DNM3: variants seen among roughly 807,000 people sequenced by gnomAD.
DNM3 encodes the protein dynamin 3.
DNM3 carries 47 observed loss-of-function variants against 101.6 expected under a neutral mutation model. The observed-to-expected ratio is 0.46, with a 90% CI of 0.37 to 0.59. The LOEUF is 0.59. Ranked by LOEUF, DNM3 falls within the 20% of genes least tolerant of loss-of-function variation. DNM3 has a pLI of 0.00. For missense variants in DNM3, 849 were observed against 1,085.7 expected (o/e 0.78, Z 3.06); for synonymous variants, 385 against 387.9 (o/e 0.99, Z 0.09).
At chr1:172,008,952 AT>A (rs2046905986) in intron 4 of DNM3, among the ~76,000 whole-genome samples, 1 of 138,188 alleles carries the variant, frequency 7.2e-6, no homozygotes, top group East Asian at 2.0e-4. Flanking sequence ...AATATATTAT[AT>A]TAATATATTT....
chr1:172,068,796 C>T (rs546494995), intron 10 of DNM3, 23 bp from the exon 11 acceptor site: 1 of 1,549,798 alleles, frequency 6.5e-7, no homozygotes, highest in East Asian at 2.4e-5. Context: ...AGTATTAATA[C>T]TCAGATCTGC....
chr1:172,215,590 A>T (rs2060664137), intron 14 of DNM3, among the ~76,000 whole-genome samples: 1 of 152,114 alleles, frequency 6.6e-6, no homozygotes, highest in Admixed American at 6.6e-5. Context: ...ATTGGAAGAT[A>T]AAAGCTTTGG....
At chr1:172,181,182 T>C (rs1320034261) in intron 14 of DNM3, among the ~76,000 whole-genome samples, 1 of 152,048 alleles carries the variant, frequency 6.6e-6, no homozygotes, top group African/African-American at 2.4e-5. Flanking sequence ...TTCTCCACCA[T>C]CTCTAAGATA....
At chr1:172,048,202 C>T (rs1358346848) in intron 9 of DNM3, among the ~76,000 whole-genome samples, 4 of 152,136 alleles carry the variant, frequency 2.6e-5, no homozygotes, top group African/African-American at 9.7e-5. Flanking sequence ...ACCCCAGGCC[C>T]TCAGATTGGG....
At chr1:172,047,018 A>AAATT (rs58917366) in intron 9 of DNM3, among the ~76,000 whole-genome samples, 56,943 of 151,798 alleles carry the variant, frequency 0.38, 11,226 homozygotes, top group East Asian at 0.69. Context: ...TGGTTATTAT[A>AAATT]TGCCTGTAAG....
chr1:171,866,673 TC>T (rs1029963304), intron 1 of DNM3, among the ~76,000 whole-genome samples: 18 of 152,208 alleles, frequency 1.2e-4, no homozygotes, highest in African/African-American at 2.4e-4. Context: ...TTTCTTTTTT[TC>T]ATATGCTTTT....
rs58783160 is a variant in DNM3, at chr1:172,219,377, CAAA to C, written c.1660-34173_1660-34171del. On this transcript the variant is annotated intron_variant, in intron 14 of 20. Coordinates refer to ENST00000627582, the MANE Select transcript of DNM3 (RefSeq NM_015569.5). Reference sequence around the variant, plus strand: ...TGGGTGACAGAGGAATACCCTGTCTCAAAAAAAAAAAAAAAAAAAAAAAAAGAA... The same window carrying C: ...TGGGTGACAGAGGAATACCCTGTCTCAAAAAAAAAAAAAAAAAAAAAAGAA... Among the ~76,000 whole-genome samples the C allele has an allele frequency of 6.1e-3, 344 of 56,282 alleles. 2 individuals are homozygous for C. The highest frequency in any genetic ancestry group is 0.024 in the African/African-American group (319 of 13,222). The allele number at this position is 56,282 out of a possible 152,430, so 36.9% of individuals were successfully genotyped here.
Position 172,409,907 on chromosome 1 carries a change from T to C in DNM3, c.*2066T>C. The C allele has an allele frequency of 1.0e-6, 1 of 985,798 alleles. No homozygotes were observed. The highest frequency in any genetic ancestry group is 1.2e-6 in the Non-Finnish European group (1 of 829,894). The allele number at this position is 985,798 out of a possible 1,614,324, so 61.1% of individuals were successfully genotyped here. A position where few individuals can be genotyped will look rare whatever the true frequency, so the allele number is the denominator to read the frequency against. On this transcript the variant is annotated 3_prime_UTR_variant, in exon 21 of 21. Transcript: ENST00000627582. ...AAAATATTGTGAATAACCACTGGTG[T>C]GTTCTTAGATCAGCACAAACCATGT...
At chr1:171,901,453 T>G (rs968523409) in intron 1 of DNM3, among the ~76,000 whole-genome samples, 1 of 150,304 alleles carries the variant, frequency 6.7e-6, no homozygotes, top group Non-Finnish European at 1.5e-5. Flanking sequence ...CTCTCACCAG[T>G]CAGCTTGTCT....
intron 15 of DNM3, among the ~76,000 whole-genome samples, chr1:172,300,752 TGAG>T (rs2064406147): frequency 6.6e-6 from 1 of 152,320 alleles, no homozygotes; most frequent in African/African-American, 2.4e-5. Context: ...GGGAGACCAA[TGAG>T]GAGGCTATTG....
chr1:171,966,512 A>G (rs997504404), intron 2 of DNM3, among the ~76,000 whole-genome samples: 3 of 152,226 alleles, frequency 2.0e-5, no homozygotes, highest in African/African-American at 4.8e-5. Context: ...TAGAAAGAAG[A>G]GCTTTATTAG....
intron 16 of DNM3, among the ~76,000 whole-genome samples, chr1:172,322,286 C>G (rs1179836997): frequency 6.6e-6 from 1 of 152,152 alleles, no homozygotes; most frequent in African/African-American, 2.4e-5. Context: ...TCCACAGATG[C>G]ACACACTTTA....
At chr1:172,248,602 C>T (rs1056352937) in intron 14 of DNM3, among the ~76,000 whole-genome samples, 2 of 151,842 alleles carry the variant, frequency 1.3e-5, no homozygotes, top group African/African-American at 4.8e-5. Flanking sequence ...ATTTCAAGGC[C>T]ACAAGAACCT....
intron 10 of DNM3, among the ~76,000 whole-genome samples, chr1:172,056,491 G>T (rs1373428092): frequency 2.0e-5 from 3 of 152,218 alleles, no homozygotes; most frequent in Non-Finnish European, 2.9e-5. Context: ...CGCAGCTGGA[G>T]ATCTGAGAAC....
chr1:172,083,130 T>C (rs935721588), intron 12 of DNM3, among the ~76,000 whole-genome samples: 2 of 152,196 alleles, frequency 1.3e-5, no homozygotes, highest in Non-Finnish European at 2.9e-5. Context: ...ACTCTCACCA[T>C]GTGTTCTGTT....
At chr1:172,222,997 C>A (rs1033484054) in intron 14 of DNM3, among the ~76,000 whole-genome samples, 1 of 151,988 alleles carries the variant, frequency 6.6e-6, no homozygotes. Context: ...TGTGATGTTT[C>A]CATACACGTA....
intron 14 of DNM3, among the ~76,000 whole-genome samples, chr1:172,250,347 A>G (rs1284795380): frequency 6.6e-6 from 1 of 152,146 alleles, no homozygotes; most frequent in Non-Finnish European, 1.5e-5. Context: ...GAAACTTCTT[A>G]TGGAGGAGAA....
chr1:172,395,911 A>G (rs760174936), intron 20 of DNM3, among the ~76,000 whole-genome samples: 3 of 152,230 alleles, frequency 2.0e-5, no homozygotes, highest in Non-Finnish European at 2.9e-5. Flanking sequence ...AGATTTGATG[A>G]TAGAATTTAC....
At chr1:172,151,422 C>CAT (rs1454188269) in intron 14 of DNM3, among the ~76,000 whole-genome samples, 2 of 152,176 alleles carry the variant, frequency 1.3e-5, no homozygotes, top group African/African-American at 4.8e-5. Flanking sequence ...ACTACACACA[C>CAT]ATTTTGTGTA....
Sources: allele counts gnomAD v4.1 joint callset (sites outside exome capture counted in the v4.1 genomes callset), GRCh38; gene constraint gnomAD v4.1.1; transcripts MANE v1.5; gene names NCBI Gene and HGNC (gene_info 2026-07-23, HGNC 2026-07-21).